The following ASB3 variants were observed in gnomAD, a reference collection of about 807,000 sequenced individuals.
ASB3 encodes ankyrin repeat and SOCS box protein 3.
Under a neutral mutation model 54.5 loss-of-function variants are expected in ASB3, and 41 were observed. The observed-to-expected ratio is 0.75, with a 90% CI of 0.59 to 0.98. ASB3 has a LOEUF of 0.98. ASB3 is among the 50% of genes least tolerant of loss of function. ASB3 has a pLI of 0.00. For missense variants in ASB3, 733 were observed against 620.0 expected, an observed-to-expected ratio of 1.18 and a Z score of -1.94; for synonymous variants, 266 against 221.2, an observed-to-expected ratio of 1.20 and a Z score of -1.80.
intron 8 of ASB3, among the ~76,000 whole-genome samples, chr2:53,697,928 C>A (rs1470079904): frequency 6.6e-6 from 1 of 152,202 alleles, no homozygotes; most frequent in South Asian, 2.1e-4. Flanking sequence ...GCACTTCATG[C>A]TGGTAGCTCT....
At chr2:53,767,959 A>G (rs1673601965) in intron 1 of ASB3, 10 of 1,614,138 alleles carry the variant, frequency 6.2e-6, no homozygotes, top group Non-Finnish European at 8.5e-6. Context: ...GGTCGGATAC[A>G]TCACCAACTA....
chr2:53,755,979 C>CCA (rs1672796681), intron 2 of ASB3, among the ~76,000 whole-genome samples: 1 of 119,828 alleles, frequency 8.3e-6, no homozygotes, highest in South Asian at 2.3e-4. Flanking sequence ...ATAGTAAGAC[C>CCA]CCCCCCCCAC....
At chr2:53,758,998 A>T (rs1254961431) in intron 2 of ASB3, among the ~76,000 whole-genome samples, 2 of 152,218 alleles carry the variant, frequency 1.3e-5, no homozygotes, top group Non-Finnish European at 2.9e-5. Context: ...GGGTTAGAAC[A>T]ATGCTTTTAT....
intron 1 of ASB3, among the ~76,000 whole-genome samples, chr2:53,784,019 T>C (rs1674797699): frequency 6.6e-6 from 1 of 152,218 alleles, no homozygotes; most frequent in African/African-American, 2.4e-5. Context: ...GAAATACAGC[T>C]TCAGGAGCAA....
chr2:53,732,529 C>T (rs1333464587), intron 3 of ASB3, among the ~76,000 whole-genome samples: 1 of 152,054 alleles, frequency 6.6e-6, no homozygotes, highest in Non-Finnish European at 1.5e-5. Flanking sequence ...GTTTGTTTTC[C>T]ACAAGTTAGG....
intron 9 of ASB3, among the ~76,000 whole-genome samples, chr2:53,676,603 T>C (rs1439940222): frequency 1.3e-5 from 2 of 152,218 alleles, no homozygotes; most frequent in Middle Eastern, 6.3e-3. Context: ...GGCCTAAGTA[T>C]ATGGCGTTAA....
chr2:53,675,666 TATCA>T (rs1223161366), intron 9 of ASB3, among the ~76,000 whole-genome samples: 1 of 152,228 alleles, frequency 6.6e-6, no homozygotes, highest in Non-Finnish European at 1.5e-5. Flanking sequence ...TTTTTCCTGA[TATCA>T]ATCAGTTTAT....
chr2:53,745,174 G>A (rs1200589529), intron 3 of ASB3, among the ~76,000 whole-genome samples: 1 of 152,148 alleles, frequency 6.6e-6, no homozygotes, highest in Non-Finnish European at 1.5e-5. Flanking sequence ...TATTTCCAAA[G>A]CAGTTTTACC....
At chr2:53,706,720 T>C (rs1177163713) in intron 7 of ASB3, among the ~76,000 whole-genome samples, 3 of 152,114 alleles carry the variant, frequency 2.0e-5, no homozygotes, top group Non-Finnish European at 4.4e-5. Context: ...GCTGGGATTA[T>C]AGGCATGAGC....
chr2:53,747,071 T>C (rs186941927), intron 3 of ASB3, among the ~76,000 whole-genome samples: 10 of 152,248 alleles, frequency 6.6e-5, no homozygotes, highest in Admixed American at 5.9e-4. Context: ...CCCTAAAAAC[T>C]ATGCATCTCT....
At chr2:53,736,967 G>C (rs1019954481) in intron 3 of ASB3, among the ~76,000 whole-genome samples, 35 of 152,268 alleles carry the variant, frequency 2.3e-4, no homozygotes, top group African/African-American at 8.2e-4. Context: ...CTAGGCAACA[G>C]AGCAAGACTC....
intron 3 of ASB3, among the ~76,000 whole-genome samples, chr2:53,748,706 A>G (rs965355476): frequency 3.9e-5 from 6 of 152,166 alleles, no homozygotes; most frequent in Non-Finnish European, 8.8e-5. Flanking sequence ...ACTCTTAAAA[A>G]AGTTAAAATC....
intron 9 of ASB3, among the ~76,000 whole-genome samples, chr2:53,691,476 C>A (rs966634948): frequency 6.6e-6 from 1 of 151,956 alleles, no homozygotes; most frequent in African/African-American, 2.4e-5. Flanking sequence ...GATAAGGCAG[C>A]GGTTGTTAAC....
intron 3 of ASB3, among the ~76,000 whole-genome samples, chr2:53,733,926 C>T (rs1245730554): frequency 6.6e-6 from 1 of 152,198 alleles, no homozygotes; most frequent in Non-Finnish European, 1.5e-5. Flanking sequence ...TAAAAGTATT[C>T]CTTATGGGAA....
At chr2:53,719,867 G>A (rs1265933595) in intron 5 of ASB3, among the ~76,000 whole-genome samples, 1 of 152,058 alleles carries the variant, frequency 6.6e-6, no homozygotes, top group Non-Finnish European at 1.5e-5. Flanking sequence ...TTCAAGACCA[G>A]CCAGGGCAAT....
At chr2:53,722,750 G>C (rs1177932709) in intron 5 of ASB3, among the ~76,000 whole-genome samples, 1 of 152,070 alleles carries the variant, frequency 6.6e-6, no homozygotes, top group African/African-American at 2.4e-5. Context: ...ACAGGCAAAA[G>C]CTGGAAGCAT....
intron 3 of ASB3, among the ~76,000 whole-genome samples, chr2:53,732,264 C>A (rs992514964): frequency 6.6e-6 from 1 of 151,756 alleles, no homozygotes; most frequent in Admixed American, 6.6e-5. Flanking sequence ...CCTGGCCCCA[C>A]AACAGCTTTA....
At chr2:53,721,123 T>TATAAATAA (rs35978677) in intron 5 of ASB3, among the ~76,000 whole-genome samples, 2,001 of 141,418 alleles carry the variant, frequency 0.014, 23 homozygotes, top group Middle Eastern at 0.032. Context: ...TCTCCAGAAA[T>TATAAATAA]ATAAATAAAT....
chr2:53,706,105 GT>G (rs1000007816), intron 7 of ASB3, among the ~76,000 whole-genome samples: 5 of 152,054 alleles, frequency 3.3e-5, no homozygotes, highest in Non-Finnish European at 7.3e-5. Flanking sequence ...GCAAGCTTAG[GT>G]GTTATTACTA....
Sources: allele counts gnomAD v4.1 joint callset (sites outside exome capture counted in the v4.1 genomes callset), GRCh38; gene constraint gnomAD v4.1.1; transcripts MANE v1.5; gene names NCBI Gene and HGNC (gene_info 2026-07-23, HGNC 2026-07-21).